Variants in HIBCH observed in about 807,000 individuals in gnomAD.
The protein encoded by HIBCH is 3-hydroxyisobutyryl-CoA hydrolase, mitochondrial.
Under a neutral mutation model 58.2 loss-of-function variants are expected in HIBCH, and 50 were observed. The observed-to-expected ratio is 0.86, with a 90% confidence interval of 0.68 to 1.09. HIBCH has a LOEUF of 1.09. Ranked by LOEUF, HIBCH falls within the 50% of genes least tolerant of loss-of-function variation. The probability of loss-of-function intolerance (pLI) is 0.00; values close to 1 mark genes in which losing one functional copy is unlikely to be tolerated. For synonymous variants in HIBCH, 151 were observed against 146.9 expected (o/e 1.03, Z -0.20); for missense variants, 450 against 449.7 (o/e 1.00, Z -0.01).
intron 1 of HIBCH, among the ~76,000 whole-genome samples, chr2:190,193,972 TG>T (rs759377433): frequency 3.7e-4 from 57 of 152,336 alleles, no homozygotes; most frequent in South Asian, 1.0e-3. Context: ...TTCAAAATTT[TG>T]ATGTTTTGGC....
In HIBCH at chr2:190,236,908, T is replaced by C. The variant is rs1686291304; in HGVS notation, c.891+7979A>G. Among the ~76,000 whole-genome samples, 3 of 152,198 alleles carry C rather than the reference T, an allele frequency of 2.0e-5. No homozygotes were observed. The highest frequency in any genetic ancestry group is 4.4e-5 in the Non-Finnish European group (3 of 68,020). ...TGAACTAGAAAACTGTTTTCTCTTC[T>C]GTCTACATAAACTGATGCATTTTCC... On this transcript the variant is annotated intron_variant, in intron 11 of 13. Transcript: ENST00000359678. The surrounding 1 kb of genome is among the most constrained non-coding windows in gnomAD (Gnocchi z 4.1).
intron 6 of HIBCH, among the ~76,000 whole-genome samples, chr2:190,262,175 A>AAAG (rs1282623353): frequency 1.3e-5 from 2 of 150,104 alleles, no homozygotes; most frequent in Non-Finnish European, 3.0e-5. Context: ...AAAAAAAAAA[A>AAAG]AAGAAAAGAA....
At chr2:190,257,778 CAA>C (rs1358992389) in intron 7 of HIBCH, among the ~76,000 whole-genome samples, 1 of 152,024 alleles carries the variant, frequency 6.6e-6, no homozygotes, top group African/African-American at 2.4e-5. Context: ...TGAGACAGGA[CAA>C]GAGAGCAGAA....
At chr2:190,266,346 T>C (rs1687234162) in intron 6 of HIBCH, among the ~76,000 whole-genome samples, 2 of 152,254 alleles carry the variant, frequency 1.3e-5, no homozygotes, top group Non-Finnish European at 1.5e-5. Flanking sequence ...TATCTGTTAT[T>C]GAAAGAAATA....
At chr2:190,302,329 G>GTA (rs140334344) in intron 2 of HIBCH, among the ~76,000 whole-genome samples, 144 of 152,322 alleles carry the variant, frequency 9.5e-4, no homozygotes, top group African/African-American at 3.3e-3. Flanking sequence ...GCACATGCAT[G>GTA]TATAGTAAGC....
At chr2:190,310,482 G>C (rs1293358236) in intron 2 of HIBCH, among the ~76,000 whole-genome samples, 1 of 152,162 alleles carries the variant, frequency 6.6e-6, no homozygotes, top group Non-Finnish European at 1.5e-5. Flanking sequence ...TATCAAAAGG[G>C]AAGCTGTAAG....
rs144120549 is a variant in HIBCH, at chr2:190,298,343, A to G, written c.79-1390T>C. 2.6e-4 allele frequency among the ~76,000 whole-genome samples: 39 copies of G among 152,236 alleles called. 1 individual carries two copies. In the East Asian group the frequency reaches 5.2e-3, roughly 20 times the overall value. ...GAGGAATCGCCACAGTGTCTTCCAC[A>G]ATGGTTGAATTTACACTCCCACCAA... On this transcript the variant is annotated intron_variant, in intron 2 of 13. Coordinates refer to ENST00000359678, the MANE Select transcript of HIBCH (RefSeq NM_014362.4).
At chr2:190,290,822 A>G (rs953043691) in intron 4 of HIBCH, among the ~76,000 whole-genome samples, 6 of 152,134 alleles carry the variant, frequency 3.9e-5, no homozygotes, top group Non-Finnish European at 7.4e-5. Context: ...GGAGTTTGAG[A>G]CCAGCCTGGT....
At chr2:190,199,727 G>A (rs116276355), downstream of HIBCH, 833 of 1,487,328 alleles carry the variant, frequency 5.6e-4, 5 homozygotes, top group African/African-American at 0.011. Flanking sequence ...GTGGTGAAAG[G>A]GAACATTGAT....
intron 6 of HIBCH, among the ~76,000 whole-genome samples, chr2:190,268,104 G>C (rs1687292201): frequency 6.6e-6 from 1 of 152,148 alleles, no homozygotes; most frequent in Non-Finnish European, 1.5e-5. Context: ...AGGCACAATA[G>C]ATACAGACTC....
chr2:190,293,935 A>C (rs1383670137), intron 4 of HIBCH, among the ~76,000 whole-genome samples: 2 of 150,294 alleles, frequency 1.3e-5, no homozygotes, highest in African/African-American at 4.9e-5. Context: ...AATTATGAAA[A>C]ATAAAGAGAG....
chr2:190,228,795 C>A (rs530440573), intron 11 of HIBCH, among the ~76,000 whole-genome samples: 6 of 152,110 alleles, frequency 3.9e-5, no homozygotes, highest in Non-Finnish European at 8.8e-5. Context: ...AAAGAGACAA[C>A]TTCTTTTCTC....
At chr2:190,261,301 C>T (rs991371773) in intron 6 of HIBCH, 67 bp from the exon 7 acceptor site, 7 of 1,099,902 alleles carry the variant, frequency 6.4e-6, no homozygotes, top group Non-Finnish European at 9.8e-6. Flanking sequence ...CAAGCAAATT[C>T]ACACACTTAC....
intron 11 of HIBCH, among the ~76,000 whole-genome samples, chr2:190,233,449 G>C (rs1014462252): frequency 6.6e-6 from 1 of 152,142 alleles, no homozygotes; most frequent in Admixed American, 6.5e-5. Context: ...AAGATCTGAT[G>C]GTTTTATAAA....
At chr2:190,201,500 A>T (rs1196633204), downstream of HIBCH, 13 of 167,050 alleles carry the variant, frequency 7.8e-5, no homozygotes, top group Non-Finnish European at 1.8e-4. Context: ...TGAAATATAA[A>T]GGTTAAAAAA....
intron 2 of HIBCH, among the ~76,000 whole-genome samples, chr2:190,309,769 C>T (rs1343309213): frequency 6.6e-6 from 1 of 151,940 alleles, no homozygotes; most frequent in East Asian, 1.9e-4. Flanking sequence ...CAGTCTTAGC[C>T]AGGATGGTCT....
intron 11 of HIBCH, among the ~76,000 whole-genome samples, chr2:190,244,142 T>TAC (rs374861129): frequency 0.021 from 3,183 of 151,770 alleles, 111 homozygotes; most frequent in African/African-American, 0.071. Context: ...TATATATATA[T>TAC]ATATACACAC....
intron 11 of HIBCH, among the ~76,000 whole-genome samples, chr2:190,225,855 G>C (rs551979083): frequency 6.6e-6 from 1 of 152,252 alleles, no homozygotes; most frequent in Non-Finnish European, 1.5e-5. Context: ...GATGAACATT[G>C]ATGCAAAAAT....
At chr2:190,264,389 T>C (rs1467591150) in intron 6 of HIBCH, among the ~76,000 whole-genome samples, 3 of 152,114 alleles carry the variant, frequency 2.0e-5, no homozygotes, top group African/African-American at 7.2e-5. Context: ...TATCCTCAAA[T>C]GAACACACCC....
Sources: allele counts gnomAD v4.1 joint callset (sites outside exome capture counted in the v4.1 genomes callset), GRCh38; gene constraint gnomAD v4.1.1; non-coding constraint Gnocchi (gnomAD v3.1); transcripts MANE v1.5; gene names NCBI Gene and HGNC (gene_info 2026-07-23, HGNC 2026-07-21).